Variants in SUGP1 observed in about 807,000 individuals in gnomAD.
SUGP1 encodes SURP and G-patch domain-containing protein 1.
Under a neutral mutation model 76.5 loss-of-function variants are expected in SUGP1, and 34 were observed. The observed-to-expected ratio is 0.44, with a 90% CI of 0.34 to 0.59. SUGP1 has a LOEUF of 0.59. SUGP1 is among the 20% of genes least tolerant of loss of function. The probability of loss-of-function intolerance (pLI) is 0.01; values close to 1 mark genes in which losing one functional copy is unlikely to be tolerated. For missense variants in SUGP1, 752 were observed against 851.7 expected, an observed-to-expected ratio of 0.88 and a Z score of 1.46; for synonymous variants, 326 against 326.2, an observed-to-expected ratio of 1.00 and a Z score of 0.01.
chr19:19,302,900 A>G (rs1212084082), intron 6 of SUGP1, among the ~76,000 whole-genome samples: 1 of 152,084 alleles, frequency 6.6e-6, no homozygotes, highest in Non-Finnish European at 1.5e-5. Flanking sequence ...CCTGAAATTC[A>G]TCCCATCAGA....
chr19:19,277,225 C>T (rs1260090351), intron 12 of SUGP1, 149 bp from the exon 13 acceptor site: 1 of 385,528 alleles, frequency 2.6e-6, no homozygotes, highest in Non-Finnish European at 4.0e-6. Context: ...CCTGAATGGT[C>T]AAGGAGGGGA....
Position 19,276,627 on chromosome 19 carries a change from A to G in SUGP1, c.*21T>C. ...GTCCAGGGACGGTTGGTCATTCAGA[A>G]AGTATGTATTTCCAGAACACTCAGT... On this transcript the variant is annotated 3_prime_UTR_variant, in exon 14 of 14. Coordinates refer to ENST00000247001, the MANE Select transcript of SUGP1 (RefSeq NM_172231.4). 4 of 1,614,078 alleles carry G rather than the reference A, an allele frequency of 2.5e-6. No homozygotes were observed. The highest frequency in any genetic ancestry group is 3.4e-6 in the Non-Finnish European group (4 of 1,179,980).
chr19:19,310,216 A>G lies in SUGP1; in HGVS notation c.207-16T>C, dbSNP rs2061344064. The stretch of plus-strand genomic sequence containing the variant: ...ATTTGTGATTCTAGAACCAAGACAG[A>G]GGACAGAGAGGGTGAGCTGGCTAGA... On this transcript the variant is annotated splice_polypyrimidine_tract_variant and intron_variant, in intron 2 of 13. Transcript: ENST00000247001. 1.3e-6 allele frequency: 2 copies of G among 1,597,856 alleles called. No homozygotes were observed. The highest frequency in any genetic ancestry group is 2.7e-5 in the African/African-American group (2 of 74,522).
chr19:19,288,835 G>A (rs2061160845), intron 8 of SUGP1, among the ~76,000 whole-genome samples: 2 of 152,006 alleles, frequency 1.3e-5, no homozygotes, highest in African/African-American at 4.8e-5. Flanking sequence ...ACCTGGGCTG[G>A]AGTGCAGTGG....
Position 19,277,782 on chromosome 19 carries a change from C to T in SUGP1, c.1733G>A (p.Gly578Asp), listed in dbSNP as rs1404008594. 1 of 1,614,084 alleles carries T rather than the reference C, an allele frequency of 6.2e-7. No homozygotes were observed. Among genetic ancestry groups the T allele is most frequent in the Admixed American group, 1.7e-5 (1 of 60,008 alleles). The change falls in exon 12 of 14, where the codon GGC (glycine) becomes GAC (aspartate). Residue 578 changes from glycine (G) to aspartate (D), a missense_variant. Gly to Asp is a moderately conservative substitution (Grantham distance 94). This residue lies in a region of SUGP1 where 132 missense variants were observed against 234.4 expected (regional missense o/e 0.56). Coordinates refer to ENST00000247001, the MANE Select transcript of SUGP1 (RefSeq NM_172231.4). ...QMLMKMGWKE[G>D]EGLGSEGQGI... ...CTGGCCCTCTGAGCCCAGCCCCTCG[C>T]CCTCCTTCCAGCCCATCTTCATCAG...
In SUGP1 at chr19:19,312,245, C is replaced by T. The variant is rs137881891; in HGVS notation, c.207-2045G>A. ...ATTTAAAAAAAAATAAAAAGAAAAA[C>T]TGAAACAGAAAGGAATGGAAAAACC... is the stretch of plus-strand genomic sequence containing the variant. On this transcript the variant is annotated intron_variant, in intron 2 of 13. Coordinates refer to ENST00000247001, the MANE Select transcript of SUGP1 (RefSeq NM_172231.4). Among the ~76,000 whole-genome samples, 6 of 150,996 alleles carry T rather than the reference C, an allele frequency of 4.0e-5. No homozygotes were observed. The East Asian group carries it at 1.2e-3, about 30-fold the overall frequency.
At chr19:19,319,726 A>AAAAAG (rs1555791701) in intron 1 of SUGP1, among the ~76,000 whole-genome samples, 173 of 147,388 alleles carry the variant, frequency 1.2e-3, no homozygotes, top group Middle Eastern at 3.4e-3. Flanking sequence ...AAAAAAAAAA[A>AAAAAG]AAAGAAAGAA....
At chr19:19,311,722 GTC>G (rs1263744652) in intron 2 of SUGP1, among the ~76,000 whole-genome samples, 2 of 100,140 alleles carry the variant, frequency 2.0e-5, no homozygotes, top group Non-Finnish European at 3.6e-5. Flanking sequence ...GCGAGACTCT[GTC>G]TCAAAAAAAA....
At chr19:19,278,194 G>A (rs2061068904) in intron 11 of SUGP1, among the ~76,000 whole-genome samples, 2 of 152,170 alleles carry the variant, frequency 1.3e-5, no homozygotes, top group Admixed American at 6.5e-5. Context: ...TGTCCTGAGA[G>A]CAATTTGTTG....
chr19:19,306,974 C>T (rs915127188), intron 3 of SUGP1, among the ~76,000 whole-genome samples: 10 of 152,118 alleles, frequency 6.6e-5, no homozygotes, highest in Non-Finnish European at 1.2e-4. Flanking sequence ...TGAAATTGGC[C>T]AGCTCACCAC....
chr19:19,284,080 AG>A (rs1224747559), intron 8 of SUGP1, among the ~76,000 whole-genome samples: 1 of 152,226 alleles, frequency 6.6e-6, no homozygotes, highest in Non-Finnish European at 1.5e-5. Flanking sequence ...GACATCTCTC[AG>A]GGTTCTCAAG....
At chr19:19,296,142 C>A (rs1441577582) in intron 8 of SUGP1, among the ~76,000 whole-genome samples, 2 of 151,902 alleles carry the variant, frequency 1.3e-5, no homozygotes, top group Non-Finnish European at 2.9e-5. Flanking sequence ...CATAGTGAGA[C>A]CCCGTCTCCA....
chr19:19,277,766 T>A lies in SUGP1; in HGVS notation c.1749A>T (p.Ser583=). The stretch of plus-strand genomic sequence containing the variant: ...CTGGGTTCTTGATGCCCTGGCCCTC[T>A]GAGCCCAGCCCCTCGCCCTCCTTCC... ...MGWKEGEGLG[S]EGQGIKNPVN... Residue 583 remains serine (S), a synonymous_variant, in exon 12 of 14, where the codon TCA becomes TCT. Coordinates refer to ENST00000247001, the MANE Select transcript of SUGP1 (RefSeq NM_172231.4). 1 of 1,614,064 alleles carries A rather than the reference T, an allele frequency of 6.2e-7. No individual in the cohort carries two copies. The highest frequency in any genetic ancestry group is 8.5e-7 in the Non-Finnish European group (1 of 1,179,976).
rs1415300595 is a variant in SUGP1, at chr19:19,303,341, C to T, written c.763+7G>A. The T allele has an allele frequency of 1.2e-6, 2 of 1,613,238 alleles. No homozygotes were observed. The highest frequency in any genetic ancestry group is 4.5e-5 in the East Asian group (2 of 44,876). The stretch of plus-strand genomic sequence containing the variant: ...CCCAGAATCTCCCACCCGCTCCGTC[C>T]ACCTACCTTTCTGAGAGGCTGCCTG... On this transcript the variant is annotated splice_region_variant and intron_variant, in intron 6 of 13. Coordinates refer to ENST00000247001, the MANE Select transcript of SUGP1 (RefSeq NM_172231.4).
rs146659898 is a variant in SUGP1 at position 19,303,367 on chromosome 19, C to A, written c.744G>T (p.Ser248=). 2,085 of 1,614,092 alleles carry A rather than the reference C, an allele frequency of 1.3e-3. 5 individuals are homozygous for A. Among genetic ancestry groups the A allele is most frequent in the Non-Finnish European group, 1.2e-3 (1,441 of 1,179,970 alleles). ...VAEIRKEAQK[S]QAASQKVSPP... is the part of the protein sequence containing the mutation. ...ACCTACCTTTCTGAGAGGCTGCCTGCGACTTCTGTGCTTCCTTTCTTATCT... is the reference window on the plus strand; with the variant it reads ...ACCTACCTTTCTGAGAGGCTGCCTGAGACTTCTGTGCTTCCTTTCTTATCT... Residue 248 remains serine (S), a synonymous_variant, in exon 6 of 14, where the codon TCG becomes TCT. Coordinates refer to ENST00000247001, the MANE Select transcript of SUGP1 (RefSeq NM_172231.4).
At chr19:19,286,931 C>A (rs1190154233) in intron 8 of SUGP1, among the ~76,000 whole-genome samples, 6 of 147,430 alleles carry the variant, frequency 4.1e-5, no homozygotes, top group Admixed American at 2.0e-4. Flanking sequence ...GGTGACAGTG[C>A]GAGACTCTGT....
intron 1 of SUGP1, 27 bp downstream of exon 1, chr19:19,320,436 C>A: frequency 1.2e-6 from 2 of 1,606,460 alleles, no homozygotes; most frequent in African/African-American, 1.3e-5. Flanking sequence ...CCCAGGCGGC[C>A]GCCTGAGAGG....
intron 4 of SUGP1, 126 bp downstream of exon 4, chr19:19,305,723 G>C (rs1227694268): frequency 1.1e-6 from 1 of 916,866 alleles, no homozygotes; most frequent in East Asian, 2.6e-5. Flanking sequence ...TCAGCTCAGA[G>C]GTCTGGTGGC....
intron 2 of SUGP1, among the ~76,000 whole-genome samples, chr19:19,313,411 TG>T (rs1018932869): frequency 3.3e-5 from 5 of 151,846 alleles, no homozygotes; most frequent in African/African-American, 1.2e-4. Context: ...AAAAAAAAAT[TG>T]TTAGACAAAC....
Sources: allele counts gnomAD v4.1 joint callset (sites outside exome capture counted in the v4.1 genomes callset), GRCh38; gene constraint gnomAD v4.1.1; regional missense constraint gnomAD v4.1.1; transcripts MANE v1.5; gene names NCBI Gene and HGNC (gene_info 2026-07-23, HGNC 2026-07-21).